PDSS2: variants seen among roughly 807,000 people sequenced by gnomAD.
PDSS2 encodes the protein all trans-polyprenyl-diphosphate synthase PDSS2.
In PDSS2, 31 loss-of-function variants were observed where a neutral mutation model predicts 44.5. The observed-to-expected ratio is 0.70, with a 90% CI of 0.52 to 0.94. The LOEUF (loss-of-function observed/expected upper bound fraction) is 0.94, where lower values mean the gene tolerates loss of function less well. PDSS2 is among the 40% of genes least tolerant of loss of function. The pLI is 0.00. For missense variants in PDSS2, 452 were observed against 482.2 expected (o/e 0.94, Z 0.59); for synonymous variants, 157 against 180.3 (o/e 0.87, Z 1.03).
chr6:107,335,161 CAAAAAA>C (rs765731620), intron 1 of PDSS2, among the ~76,000 whole-genome samples: 1 of 64,160 alleles, frequency 1.6e-5, no homozygotes, highest in African/African-American at 6.1e-5. Context: ...ACTCTGTTTC[CAAAAAA>C]AAAAAAAAAA....
chr6:107,399,790 G>A (rs1780052420), intron 1 of PDSS2, among the ~76,000 whole-genome samples: 1 of 151,816 alleles, frequency 6.6e-6, no homozygotes, highest in South Asian at 2.1e-4. Flanking sequence ...AAAGTTAGCT[G>A]CTCTGAAAAT....
intron 2 of PDSS2, among the ~76,000 whole-genome samples, chr6:107,288,678 G>A (rs1423135577): frequency 2.0e-5 from 3 of 151,240 alleles, no homozygotes; most frequent in African/African-American, 4.9e-5. Context: ...AGCAAGCAAC[G>A]AGTTTAGGTT....
chr6:107,302,967 T>A (rs1249327942), intron 2 of PDSS2, among the ~76,000 whole-genome samples: 1 of 152,234 alleles, frequency 6.6e-6, no homozygotes, highest in South Asian at 2.1e-4. Flanking sequence ...TTTACATTTT[T>A]AGTGTGGCTA....
rs76161285 is a variant in PDSS2, at chr6:107,216,532, C to T, written c.703-4250G>A. Among the ~76,000 whole-genome samples, 329 of 151,848 alleles carry T rather than the reference C, an allele frequency of 2.2e-3. 3 individuals are homozygous for T. Among genetic ancestry groups the T allele is most frequent in the African/African-American group, 7.7e-3 (320 of 41,358 alleles). ...AAACCTGGGAATAAGCTTAGAAACGCGCAAAACTGAATGCGCAAAACTGAA... is the reference window on the plus strand; with the variant it reads ...AAACCTGGGAATAAGCTTAGAAACGTGCAAAACTGAATGCGCAAAACTGAA... On this transcript the variant is annotated intron_variant, in intron 4 of 7. Transcript: ENST00000369037.
intron 1 of PDSS2, among the ~76,000 whole-genome samples, chr6:107,377,635 C>T (rs1411717635): frequency 1.3e-5 from 2 of 152,056 alleles, no homozygotes; most frequent in Non-Finnish European, 2.9e-5. Flanking sequence ...TGGAACCAAC[C>T]CAAATGTCCA....
chr6:107,458,020 C>T (rs1299645457), intron 1 of PDSS2, among the ~76,000 whole-genome samples: 1 of 151,948 alleles, frequency 6.6e-6, no homozygotes, highest in East Asian at 1.9e-4. Context: ...GTATATATAT[C>T]TGTGTGTATA....
At chr6:107,418,632 G>A (rs140477062) in intron 1 of PDSS2, among the ~76,000 whole-genome samples, 65 of 152,102 alleles carry the variant, frequency 4.3e-4, no homozygotes, top group African/African-American at 6.0e-4. Context: ...AAAATTAGCC[G>A]GGTGTGGTGG....
chr6:107,303,271 T>C lies in PDSS2; in HGVS notation c.432-29044A>G, dbSNP rs939213652. Reference sequence around the variant, plus strand: ...AGCTCCATGATTCAATCACCTCTCATCAGCCCATCTCCTAACACTGCTACA... The same window carrying C: ...AGCTCCATGATTCAATCACCTCTCACCAGCCCATCTCCTAACACTGCTACA... On this transcript the variant is annotated intron_variant, in intron 2 of 7. Coordinates refer to ENST00000369037, the MANE Select transcript of PDSS2 (RefSeq NM_020381.4). Among the ~76,000 whole-genome samples the C allele has an allele frequency of 3.3e-5, 5 of 152,164 alleles. No individual in the cohort carries two copies. The East Asian group carries it at 7.7e-4, about 23-fold the overall frequency.
chr6:107,214,316 C>T (rs1773336044), intron 4 of PDSS2, among the ~76,000 whole-genome samples: 1 of 151,964 alleles, frequency 6.6e-6, no homozygotes, highest in African/African-American at 2.4e-5. Context: ...TGGTCTCGAT[C>T]TCCTGACCTC....
At chr6:107,388,447 A>ATTTTTT (rs147100917) in intron 1 of PDSS2, among the ~76,000 whole-genome samples, 1 of 137,274 alleles carries the variant, frequency 7.3e-6, no homozygotes, top group Non-Finnish European at 1.6e-5. Context: ...GTGCATGTGA[A>ATTTTTT]TTTTTTTTTT....
intron 2 of PDSS2, among the ~76,000 whole-genome samples, chr6:107,296,106 C>T (rs1484600876): frequency 6.6e-6 from 1 of 152,130 alleles, no homozygotes; most frequent in Non-Finnish European, 1.5e-5. Flanking sequence ...GCTCCATCAG[C>T]CTTAGTCTAG....
chr6:107,266,765 C>T lies in PDSS2; in HGVS notation c.630+7264G>A, dbSNP rs908237267. 5.9e-5 allele frequency among the ~76,000 whole-genome samples: 9 copies of T among 152,170 alleles called. No individual in the cohort carries two copies. In the South Asian group the frequency reaches 1.5e-3, roughly 25 times the overall value. ...CAAGTAGTGCTACTGAAATCCAGTG[C>T]CTAATGGAGCAGATGGTGGAGGTCT... On this transcript the variant is annotated intron_variant, in intron 3 of 7. Transcript: ENST00000369037.
intron 4 of PDSS2, among the ~76,000 whole-genome samples, chr6:107,230,612 T>C (rs1774010302): frequency 6.6e-6 from 1 of 152,052 alleles, no homozygotes; most frequent in South Asian, 2.1e-4. Context: ...ATCTCTAGGT[T>C]GGCTGGAGAG....
At chr6:107,180,959 C>T (rs1285086877) in intron 7 of PDSS2, among the ~76,000 whole-genome samples, 1 of 152,164 alleles carries the variant, frequency 6.6e-6, no homozygotes, top group East Asian at 1.9e-4. Flanking sequence ...ATTCTCCTGC[C>T]TCAGCCTCCT....
At chr6:107,378,255 T>C (rs1254600945) in intron 1 of PDSS2, among the ~76,000 whole-genome samples, 1 of 149,978 alleles carries the variant, frequency 6.7e-6, no homozygotes, top group Non-Finnish European at 1.5e-5. Context: ...AATATCATAC[T>C]AGATCTTTCA....
intron 2 of PDSS2, among the ~76,000 whole-genome samples, chr6:107,296,080 T>C (rs1401740881): frequency 6.6e-6 from 1 of 152,190 alleles, no homozygotes; most frequent in African/African-American, 2.4e-5. Flanking sequence ...ACCAGTAATG[T>C]TCCAAATGGA....
chr6:107,327,853 G>C (rs909044675), intron 2 of PDSS2, among the ~76,000 whole-genome samples: 1 of 152,194 alleles, frequency 6.6e-6, no homozygotes, highest in African/African-American at 2.4e-5. Flanking sequence ...TTTAGAATCT[G>C]GTTATAGCTC....
At chr6:107,344,796 C>G (rs747490035) in intron 1 of PDSS2, among the ~76,000 whole-genome samples, 55 of 152,064 alleles carry the variant, frequency 3.6e-4, no homozygotes, top group Non-Finnish European at 4.7e-4. Flanking sequence ...ATGTCGTGAT[C>G]AATCATGTTT....
chr6:107,390,443 T>TA (rs1193167930), intron 1 of PDSS2, among the ~76,000 whole-genome samples: 1 of 151,994 alleles, frequency 6.6e-6, no homozygotes, highest in African/African-American at 2.4e-5. Flanking sequence ...TCAAAACTGT[T>TA]AAAGTCATGA....
Sources: gnomAD v4.1 joint callset for allele counts (sites outside exome capture counted in the v4.1 genomes callset) on GRCh38, gnomAD v4.1.1 for gene constraint, MANE v1.5 for transcripts, NCBI Gene and HGNC (gene_info 2026-07-23, HGNC 2026-07-21) for gene names.